The following FHOD3 variants were observed in gnomAD, a reference collection of about 807,000 sequenced individuals.
FHOD3 encodes the protein FH1/FH2 domain-containing protein 3.
FHOD3 carries 90 observed loss-of-function variants against 173.0 expected under a neutral mutation model. That is an observed-to-expected ratio of 0.52 (90% confidence interval 0.44 to 0.62). FHOD3 has a LOEUF of 0.62. Among genes scored for constraint, FHOD3 ranks in the 20% least tolerant of loss-of-function variants. The pLI, the probability that FHOD3 is intolerant of heterozygous loss-of-function variation, is 0.00. For synonymous variants in FHOD3, 828 were observed against 823.0 expected, an observed-to-expected ratio of 1.01 and a Z score of -0.10; for missense variants, 1,945 against 2,034.7, an observed-to-expected ratio of 0.96 and a Z score of 0.85.
chr18:36,326,193 G>T (rs993168262), intron 1 of FHOD3, among the ~76,000 whole-genome samples: 3 of 152,194 alleles, frequency 2.0e-5, no homozygotes, highest in Admixed American at 1.3e-4. Context: ...GAAATAACAA[G>T]AAACCATTGA....
intron 2 of FHOD3, among the ~76,000 whole-genome samples, chr18:36,361,739 T>A (rs2046633163): frequency 6.6e-6 from 1 of 150,854 alleles, no homozygotes; most frequent in African/African-American, 2.4e-5. Flanking sequence ...TGGTTAGATG[T>A]TTGTTTGGGA....
intron 3 of FHOD3, among the ~76,000 whole-genome samples, chr18:36,449,025 C>T (rs2051667154): frequency 6.6e-6 from 1 of 151,912 alleles, no homozygotes; most frequent in South Asian, 2.1e-4. Context: ...ATAGAAAGGA[C>T]TCTTTTACCC....
intron 3 of FHOD3, among the ~76,000 whole-genome samples, chr18:36,478,362 T>C (rs1599303975): frequency 6.6e-6 from 1 of 152,344 alleles, no homozygotes; most frequent in East Asian, 1.9e-4. Context: ...CATAATCACA[T>C]CATGGTAAAT....
chr18:36,731,155 G>C (rs1194051348), intron 20 of FHOD3, among the ~76,000 whole-genome samples: 3 of 152,172 alleles, frequency 2.0e-5, no homozygotes, highest in African/African-American at 7.2e-5. Context: ...TCAAAGGTAG[G>C]GTTTTCAGTA....
intron 10 of FHOD3, among the ~76,000 whole-genome samples, chr18:36,643,504 G>T (rs1374498236): frequency 6.6e-6 from 1 of 152,174 alleles, no homozygotes; most frequent in Non-Finnish European, 1.5e-5. Flanking sequence ...TTTAGGTCAT[G>T]ATATTAATGT....
At chr18:36,351,945 T>C (rs2046145743) in intron 1 of FHOD3, among the ~76,000 whole-genome samples, 1 of 152,212 alleles carries the variant, frequency 6.6e-6, no homozygotes, top group African/African-American at 2.4e-5. Context: ...TGGTGGAGAC[T>C]GATAAGCCTG....
intron 20 of FHOD3, among the ~76,000 whole-genome samples, chr18:36,738,953 G>A (rs997234884): frequency 6.6e-6 from 1 of 151,974 alleles, no homozygotes; most frequent in African/African-American, 2.4e-5. Flanking sequence ...TCTCTATGAG[G>A]TAGGAGAGCA....
chr18:36,447,543 C>T (rs376367710), intron 3 of FHOD3, among the ~76,000 whole-genome samples: 8 of 152,010 alleles, frequency 5.3e-5, no homozygotes, highest in African/African-American at 1.5e-4. Context: ...TTGACTGTAC[C>T]GAAGAACTTT....
rs138272162 is a variant in FHOD3, at chr18:36,769,471, C to T, written c.4786+45C>T. 7.5e-4 allele frequency: 1,194 copies of T among 1,592,388 alleles called. 1 individual carries two copies. The highest frequency in any genetic ancestry group is 9.6e-4 in the Non-Finnish European group (1,119 of 1,169,130). On this transcript the variant is annotated intron_variant, in intron 28 of 28. Coordinates refer to ENST00000590592, the MANE Select transcript of FHOD3 (RefSeq NM_001281740.3). ...GGCGAGCCTTCACCCCTACAGGGATCTGCCCTCCCATTCTACGTGAACTGG... is the reference window on the plus strand; with the variant it reads ...GGCGAGCCTTCACCCCTACAGGGATTTGCCCTCCCATTCTACGTGAACTGG...
In FHOD3 at chr18:36,657,436, A is replaced by G. The variant is rs147910011; in HGVS notation, c.1722-639A>G. 7.1e-3 allele frequency among the ~76,000 whole-genome samples: 1,088 copies of G among 152,352 alleles called. 5 individuals are homozygous for G. Among genetic ancestry groups the G allele is most frequent in the Non-Finnish European group, 0.012 (837 of 68,028 alleles). Reference sequence around the variant, plus strand: ...GATCTTGAAATTTAACTTGTCAGACATGTCTGGAAAATCATCAAATCTCAT... The same window carrying G: ...GATCTTGAAATTTAACTTGTCAGACGTGTCTGGAAAATCATCAAATCTCAT... On this transcript the variant is annotated intron_variant, in intron 13 of 28. Coordinates refer to ENST00000590592, the MANE Select transcript of FHOD3 (RefSeq NM_001281740.3).
chr18:36,455,627 A>G (rs1399877126), intron 3 of FHOD3, among the ~76,000 whole-genome samples: 2 of 151,260 alleles, frequency 1.3e-5, no homozygotes, highest in East Asian at 3.9e-4. Flanking sequence ...TGTATTTCAT[A>G]TGGGAAAGAG....
In FHOD3 at chr18:36,701,731, G is replaced by T. The variant is rs2039600311; in HGVS notation, c.2237-7364G>T. 2.0e-5 allele frequency among the ~76,000 whole-genome samples: 3 copies of T among 152,200 alleles called. No individual in the cohort carries two copies. In the South Asian group the frequency reaches 6.2e-4, roughly 31 times the overall value. ...TTTGGGGGTAACACAGCCCATGAAT[G>T]CAATCCCAGCACTTAAGGAGTTCCA... is the stretch of plus-strand genomic sequence containing the variant. On this transcript the variant is annotated intron_variant, in intron 17 of 28. Coordinates refer to ENST00000590592, the MANE Select transcript of FHOD3 (RefSeq NM_001281740.3).
chr18:36,344,898 C>T (rs921753298), intron 1 of FHOD3, among the ~76,000 whole-genome samples: 51 of 152,224 alleles, frequency 3.4e-4, no homozygotes, highest in African/African-American at 5.8e-4. Flanking sequence ...TAATAACAGA[C>T]GTACTCTTCA....
At chr18:36,676,097 TA>T (rs2037839537) in intron 14 of FHOD3, among the ~76,000 whole-genome samples, 1 of 152,198 alleles carries the variant, frequency 6.6e-6, no homozygotes, top group South Asian at 2.1e-4. Flanking sequence ...TATAGAGCAA[TA>T]AAGAGTATCA....
At chr18:36,477,527 C>A (rs1283968319) in intron 3 of FHOD3, among the ~76,000 whole-genome samples, 1 of 97,990 alleles carries the variant, frequency 1.0e-5, no homozygotes, top group Admixed American at 1.0e-4. Flanking sequence ...ATCCATCCAT[C>A]CACCCACCCA....
At chr18:36,575,523 A>G (rs1399032463) in intron 5 of FHOD3, among the ~76,000 whole-genome samples, 1 of 152,208 alleles carries the variant, frequency 6.6e-6, no homozygotes, top group Non-Finnish European at 1.5e-5. Context: ...AACATGAATT[A>G]TTTTCACTTT....
At chr18:36,730,063 G>A (rs894272636) in intron 19 of FHOD3, among the ~76,000 whole-genome samples, 4 of 152,180 alleles carry the variant, frequency 2.6e-5, no homozygotes, top group African/African-American at 9.7e-5. Flanking sequence ...CTACCAGGCA[G>A]CTGCACAGAG....
At chr18:36,494,022 T>C (rs1244229118) in intron 3 of FHOD3, among the ~76,000 whole-genome samples, 2 of 152,208 alleles carry the variant, frequency 1.3e-5, no homozygotes. Flanking sequence ...CTACTTCCGT[T>C]CTTGAAGGGG....
intron 17 of FHOD3, among the ~76,000 whole-genome samples, chr18:36,707,104 A>G (rs2037710137): frequency 6.6e-6 from 1 of 152,248 alleles, no homozygotes; most frequent in African/African-American, 2.4e-5. Flanking sequence ...TTTAAGGAAG[A>G]GTGTATGATG....
Sources: allele counts gnomAD v4.1 joint callset (sites outside exome capture counted in the v4.1 genomes callset), GRCh38; gene constraint gnomAD v4.1.1; transcripts MANE v1.5; gene names NCBI Gene and HGNC (gene_info 2026-07-23, HGNC 2026-07-21).